Variants in MPP7 observed in about 807,000 individuals in gnomAD.
MPP7 encodes the protein MAGUK p55 subfamily member 7.
A neutral mutation model predicts 76.5 loss-of-function variants in MPP7; 60 were observed. That is an observed-to-expected ratio of 0.78 (90% confidence interval 0.64 to 0.97). The LOEUF is 0.97. Among genes scored for constraint, MPP7 ranks in the 50% least tolerant of loss-of-function variants. The pLI, the probability that MPP7 is intolerant of heterozygous loss-of-function variation, is 0.00. For missense variants in MPP7, 641 were observed against 694.0 expected, an observed-to-expected ratio of 0.92 and a Z score of 0.86; for synonymous variants, 237 against 244.5, an observed-to-expected ratio of 0.97 and a Z score of 0.29.
intron 11 of MPP7, among the ~76,000 whole-genome samples, chr10:28,102,857 T>A (rs1047619880): frequency 2.9e-4 from 44 of 152,180 alleles, no homozygotes; most frequent in Admixed American, 1.0e-3. Context: ...CTGCTGTTTC[T>A]CCCTTACAAT....
chr10:28,331,873 C>A (rs759534274), intron 1 of MPP7, among the ~76,000 whole-genome samples: 5 of 152,110 alleles, frequency 3.3e-5, no homozygotes, highest in Non-Finnish European at 4.4e-5. Flanking sequence ...TCTTGCCTGG[C>A]CTTAAAAGAT....
rs186484605 is a variant in MPP7, at chr10:28,327,689, A to G, written c.-132+2240T>C. Among the ~76,000 whole-genome samples the G allele has an allele frequency of 6.5e-4, 99 of 152,360 alleles. 1 individual carries two copies. In the East Asian group the frequency reaches 0.011, roughly 17 times the overall value. ...AATCATGCTGAGACCATCTAGGGAC[A>G]TGTTTAGAACATGAATTTTCAAGTC... On this transcript the variant is annotated intron_variant, in intron 2 of 11. Transcript: ENST00000441595.
intron 2 of MPP7, among the ~76,000 whole-genome samples, chr10:28,316,435 T>TAAAAAAAAAAAAAA (rs549621404): frequency 1.1e-4 from 4 of 37,150 alleles, no homozygotes; most frequent in African/African-American, 3.4e-4. Flanking sequence ...ACTCTGTCTT[T>TAAAAAAAAAAAAAA]AAAAAAAAAA....
intron 1 of MPP7, among the ~76,000 whole-genome samples, chr10:28,258,459 G>C (rs1839857278): frequency 6.7e-6 from 1 of 148,778 alleles, no homozygotes; most frequent in Non-Finnish European, 1.5e-5. Context: ...GAGTGCAGTG[G>C]CATGATCTCA....
At chr10:28,129,063 A>C (rs1428083156) in intron 6 of MPP7, among the ~76,000 whole-genome samples, 3 of 152,174 alleles carry the variant, frequency 2.0e-5, no homozygotes, top group African/African-American at 7.2e-5. Flanking sequence ...CACTTGAATC[A>C]ATCTTCACTT....
intron 13 of MPP7, among the ~76,000 whole-genome samples, chr10:28,064,233 T>C (rs549747183): frequency 1.1e-4 from 16 of 152,304 alleles, no homozygotes; most frequent in African/African-American, 3.9e-4. Context: ...AGTAGTTCTA[T>C]ACAATGGAAT....
At chr10:28,173,787 T>C (rs1194282408) in intron 3 of MPP7, among the ~76,000 whole-genome samples, 2 of 152,146 alleles carry the variant, frequency 1.3e-5, no homozygotes, top group Non-Finnish European at 2.9e-5. Context: ...AATTAGAAAG[T>C]GTTACTGGGA....
chr10:28,166,682 C>T (rs1836473508), intron 3 of MPP7, among the ~76,000 whole-genome samples: 1 of 152,120 alleles, frequency 6.6e-6, no homozygotes, highest in African/African-American at 2.4e-5. Context: ...GCTGGGATTA[C>T]AGGCGTGAGC....
chr10:28,268,683 C>G (rs1173364816), intron 1 of MPP7, among the ~76,000 whole-genome samples: 5 of 150,464 alleles, frequency 3.3e-5, no homozygotes, highest in African/African-American at 1.2e-4. Context: ...TGCAGTGAGC[C>G]GAGAATGCAC....
At chr10:28,321,964 TG>T (rs1834372376) in intron 2 of MPP7, among the ~76,000 whole-genome samples, 1 of 151,290 alleles carries the variant, frequency 6.6e-6, no homozygotes, top group Non-Finnish European at 1.5e-5. Context: ...TGTGTGTGTG[TG>T]TGTGTGTGTG....
chr10:28,179,483 T>A (rs1029775621), intron 3 of MPP7, among the ~76,000 whole-genome samples: 5 of 152,220 alleles, frequency 3.3e-5, no homozygotes, highest in Non-Finnish European at 5.9e-5. Flanking sequence ...ATGAGCCATA[T>A]AATAAAATTA....
chr10:28,297,654 G>A (rs762707322), intron 1 of MPP7, among the ~76,000 whole-genome samples: 7 of 152,188 alleles, frequency 4.6e-5, no homozygotes, highest in Non-Finnish European at 7.3e-5. Context: ...AGCCAAGATC[G>A]TGCCATTGCA....
intron 5 of MPP7, among the ~76,000 whole-genome samples, chr10:28,138,810 A>G (rs1778282965): frequency 1.3e-5 from 2 of 152,266 alleles, no homozygotes; most frequent in South Asian, 4.1e-4. Context: ...GTACAGAATT[A>G]TCTTATATGT....
intron 3 of MPP7, among the ~76,000 whole-genome samples, chr10:28,184,626 T>A (rs999065691): frequency 2.7e-5 from 4 of 149,486 alleles, no homozygotes; most frequent in Non-Finnish European, 5.9e-5. Flanking sequence ...AAGAATCACT[T>A]GAACCTGGGA....
chr10:28,125,044 G>C lies in MPP7; in HGVS notation c.495C>G (p.Ala165=). The change falls in exon 7 of 17, where the codon GCC becomes GCG. Residue 165 remains alanine, a synonymous_variant. Transcript: ENST00000683449. ...KDEQTGAIIV[A]RIMRGGAADR... ...CTGCAGCTCCTCCTCTCATGATTCT[G>C]GCCACAATGATCGCCCCGGTCTGTT... 6.2e-7 allele frequency: 1 copy of C among 1,613,982 alleles called. No individual in the cohort carries two copies. The highest frequency in any genetic ancestry group is 1.6e-4 in the Middle Eastern group (1 of 6,062).
chr10:28,280,286 G>T (rs920802389), intron 1 of MPP7: 1 of 152,016 alleles, frequency 6.6e-6, no homozygotes, highest in Admixed American at 6.5e-5. Flanking sequence ...TGATTCTCAA[G>T]CCCCTGATAT....
At chr10:28,111,570 G>C (rs1387437726) in intron 11 of MPP7, among the ~76,000 whole-genome samples, 1 of 151,726 alleles carries the variant, frequency 6.6e-6, no homozygotes, top group Non-Finnish European at 1.5e-5. Context: ...AAAAATAGTG[G>C]AAAGAAAAAA....
At chr10:28,187,175 C>T (rs546298461) in intron 3 of MPP7, among the ~76,000 whole-genome samples, 12 of 152,128 alleles carry the variant, frequency 7.9e-5, no homozygotes, top group Non-Finnish European at 1.3e-4. Context: ...ATGTAGACCA[C>T]GCGGGAGGGC....
chr10:28,262,277 A>ATATATATATATGTATATATATATATATAT (rs1564741785), intron 1 of MPP7, among the ~76,000 whole-genome samples: 1 of 54,352 alleles, frequency 1.8e-5, no homozygotes, highest in Non-Finnish European at 3.2e-5. Context: ...ATATATATAT[A>ATATATATATATGTATATATATATATATAT]TTTTTTTTTT....
Sources: allele counts gnomAD v4.1 joint callset (sites outside exome capture counted in the v4.1 genomes callset), GRCh38; gene constraint gnomAD v4.1.1; transcripts MANE v1.5; gene names NCBI Gene and HGNC (gene_info 2026-07-23, HGNC 2026-07-21).